NAA25: variants seen among roughly 807,000 people sequenced by gnomAD.
The protein encoded by NAA25 is N-alpha-acetyltransferase 25, NatB auxiliary subunit.
Under a neutral mutation model 132.5 loss-of-function variants are expected in NAA25, and 30 were observed. The ratio of observed to expected loss-of-function variants is 0.23; its 90% CI spans 0.17 to 0.31. NAA25 has a LOEUF of 0.31. Among genes scored for constraint, NAA25 ranks in the 10% least tolerant of loss-of-function variants. The pLI, the probability that NAA25 is intolerant of heterozygous loss-of-function variation, is 1.00. For missense variants in NAA25, 771 were observed against 1,150.4 expected, an observed-to-expected ratio of 0.67 and a Z score of 4.77; for synonymous variants, 359 against 401.9, an observed-to-expected ratio of 0.89 and a Z score of 1.28.
chr12:112,086,294 G>A (rs1439374754), intron 4 of NAA25, among the ~76,000 whole-genome samples: 1 of 151,338 alleles, frequency 6.6e-6, no homozygotes, highest in Non-Finnish European at 1.5e-5. Context: ...TGAGGAATTT[G>A]AGACCAGCCT....
In NAA25 at chr12:112,086,839, C is replaced by T. The variant is rs188182897; in HGVS notation, c.402+844G>A. The stretch of plus-strand genomic sequence containing the variant: ...CCAGCCTGACCAACATGGAGAAACC[C>T]TGTCTCTATTAAAAATACAAAATTA... On this transcript the variant is annotated intron_variant, in intron 4 of 23. Transcript: ENST00000261745. Among the ~76,000 whole-genome samples, 379 of 152,014 alleles carry T rather than the reference C, an allele frequency of 2.5e-3. 1 individual carries two copies. Among genetic ancestry groups the T allele is most frequent in the African/African-American group, 7.6e-3 (315 of 41,482 alleles).
chr12:112,057,013 C>A (rs1168346909), intron 13 of NAA25, among the ~76,000 whole-genome samples: 1 of 151,982 alleles, frequency 6.6e-6, no homozygotes, highest in African/African-American at 2.4e-5. Flanking sequence ...CATGGTAAAA[C>A]CCCGTCTCTA....
intron 23 of NAA25, among the ~76,000 whole-genome samples, chr12:112,030,417 T>G (rs1473526124): frequency 6.6e-6 from 1 of 152,142 alleles, no homozygotes; most frequent in African/African-American, 2.4e-5. Flanking sequence ...TTGTACATCA[T>G]CATAGCCACT....
chr12:112,082,785 G>GC (rs1274297964), intron 4 of NAA25, among the ~76,000 whole-genome samples: 1 of 146,368 alleles, frequency 6.8e-6, no homozygotes, highest in Non-Finnish European at 1.5e-5. Context: ...GTGGCAGGGG[G>GC]CGGGGGGTGG....
At chr12:112,045,665 G>A (rs2078371077) in intron 17 of NAA25, among the ~76,000 whole-genome samples, 1 of 151,642 alleles carries the variant, frequency 6.6e-6, no homozygotes, top group Admixed American at 6.6e-5. Context: ...CGTGGTGGCA[G>A]GGACCTGTAA....
At chr12:112,102,145 C>A (rs568023138) in intron 1 of NAA25, among the ~76,000 whole-genome samples, 24 of 152,016 alleles carry the variant, frequency 1.6e-4, no homozygotes, top group African/African-American at 5.8e-4. Flanking sequence ...AAGCTGAGAT[C>A]GCACCATTGC....
At chr12:112,091,499 G>A (rs1465671970) in intron 2 of NAA25, among the ~76,000 whole-genome samples, 1 of 151,866 alleles carries the variant, frequency 6.6e-6, no homozygotes, top group Non-Finnish European at 1.5e-5. Context: ...GACTAGCCTA[G>A]GTAGGCAACG....
At chr12:112,045,435 C>T (rs971568102) in intron 17 of NAA25, among the ~76,000 whole-genome samples, 8 of 148,416 alleles carry the variant, frequency 5.4e-5, no homozygotes, top group African/African-American at 2.0e-4. Context: ...TGCAGTGAGC[C>T]GAGATTGCGC....
intron 3 of NAA25, among the ~76,000 whole-genome samples, chr12:112,089,004 T>A (rs1217039212): frequency 1.3e-5 from 2 of 152,180 alleles, no homozygotes; most frequent in African/African-American, 4.8e-5. Context: ...AAATGATTTT[T>A]TTTAAAACAC....
chr12:112,052,910 T>C (rs924585017), intron 15 of NAA25, among the ~76,000 whole-genome samples: 2 of 152,230 alleles, frequency 1.3e-5, no homozygotes, highest in African/African-American at 4.8e-5. Context: ...GGCAGTTTTT[T>C]ATAATTGGTC....
intron 17 of NAA25, among the ~76,000 whole-genome samples, chr12:112,047,355 C>T (rs974800061): frequency 6.6e-6 from 1 of 151,758 alleles, no homozygotes; most frequent in African/African-American, 2.4e-5. Context: ...CCTCAGCTTC[C>T]CGAATAGCTG....
At chr12:112,039,407 C>A in intron 21 of NAA25, 68 bp from the exon 22 acceptor site, 1 of 896,730 alleles carries the variant, frequency 1.1e-6, no homozygotes, top group Non-Finnish European at 1.8e-6. Context: ...AAATTAGAGG[C>A]AATGGATTCA....
intron 6 of NAA25, 74 bp from the exon 7 acceptor site, chr12:112,078,340 T>A: frequency 8.8e-7 from 1 of 1,141,434 alleles, no homozygotes; most frequent in Non-Finnish European, 1.3e-6. Flanking sequence ...TATAGGTTTT[T>A]AAAAAGTTAT....
At chr12:112,038,660 A>C (rs1309774768) in intron 22 of NAA25, among the ~76,000 whole-genome samples, 1 of 152,168 alleles carries the variant, frequency 6.6e-6, no homozygotes, top group Non-Finnish European at 1.5e-5. Context: ...CACTGGAAGA[A>C]GAATTGTCTT....
chr12:112,080,269 ACT>A (rs2078952690), intron 5 of NAA25, among the ~76,000 whole-genome samples: 2 of 124,250 alleles, frequency 1.6e-5, no homozygotes, highest in Admixed American at 9.1e-5. Context: ...TTAGAGCGAG[ACT>A]CTGTCTCAAA....
chr12:112,077,481 A>G (rs1643423855), intron 7 of NAA25, among the ~76,000 whole-genome samples: 1 of 151,536 alleles, frequency 6.6e-6, no homozygotes, highest in Admixed American at 6.6e-5. Flanking sequence ...CCAAAAAAAA[A>G]AAGAAAGAAA....
intron 23 of NAA25, among the ~76,000 whole-genome samples, chr12:112,030,952 T>TG (rs939031004): frequency 4.6e-5 from 7 of 151,962 alleles, no homozygotes; most frequent in African/African-American, 1.7e-4. Context: ...AAATTTTTTT[T>TG]TTTTTTTAAA....
chr12:112,090,431 CTA>C, intron 3 of NAA25: 2 of 257,708 alleles, frequency 7.8e-6, no homozygotes, highest in East Asian at 1.6e-4. Flanking sequence ...TTATTCTATT[CTA>C]TTTTTGTCTG....
chr12:112,035,783 T>G (rs555650428), intron 22 of NAA25, among the ~76,000 whole-genome samples: 7 of 151,868 alleles, frequency 4.6e-5, no homozygotes, highest in African/African-American at 1.7e-4. Flanking sequence ...GCTCTGGTGA[T>G]CCTCCTGCTT....
Sources: allele counts gnomAD v4.1 joint callset (sites outside exome capture counted in the v4.1 genomes callset), GRCh38; gene constraint gnomAD v4.1.1; transcripts MANE v1.5; gene names NCBI Gene and HGNC (gene_info 2026-07-23, HGNC 2026-07-21).